COPS8: variants seen among roughly 807,000 people sequenced by gnomAD.
COPS8 encodes the protein COP9 signalosome complex subunit 8.
Under a neutral mutation model 31.5 loss-of-function variants are expected in COPS8, and 11 were observed. The ratio of observed to expected loss-of-function variants is 0.35; its 90% CI spans 0.22 to 0.58. The LOEUF (loss-of-function observed/expected upper bound fraction) is 0.58. Among genes scored for constraint, COPS8 ranks in the 20% least tolerant of loss-of-function variants. COPS8 has a pLI of 0.83. For synonymous variants in COPS8, 81 were observed against 89.3 expected, an observed-to-expected ratio of 0.91 and a Z score of 0.52; for missense variants, 215 against 255.1, an observed-to-expected ratio of 0.84 and a Z score of 1.07.
At chr2:237,091,354 G>C (rs1391044028) in intron 4 of COPS8, among the ~76,000 whole-genome samples, 1 of 152,140 alleles carries the variant, frequency 6.6e-6, no homozygotes, top group Non-Finnish European at 1.5e-5. Context: ...CCTCATTTGT[G>C]AAATGTGATT....
At position 237,099,119 on chromosome 2, in the gene COPS8, T is replaced by TAA. The variant is rs1696852510; in HGVS notation, c.*1377_*1378insAA. 6.6e-6 allele frequency: 1 copy of TAA among 152,116 alleles called. No individual in the cohort carries two copies. The highest frequency in any genetic ancestry group is 6.5e-5 in the Admixed American group (1 of 15,274). 9.4% of individuals were successfully genotyped at this position (152,116 alleles called of 1,614,324 possible). A position where few individuals can be genotyped will look rare whatever the true frequency, so the allele number is the denominator to read the frequency against. On this transcript the variant is annotated 3_prime_UTR_variant, in exon 8 of 8. Transcript: ENST00000354371. ...CCAAATATTCATTAATAGGGGATTG[T>TAA]TTGAATAAACAGCAGTGTAGACTAC...
At chr2:237,088,739 C>A (rs905179593) in intron 3 of COPS8, 86 bp downstream of exon 3, 2 of 811,624 alleles carry the variant, frequency 2.5e-6, no homozygotes, top group Non-Finnish European at 4.0e-6. Context: ...TGTTTTCTAT[C>A]TGACGTCCTA....
Position 237,096,803 on chromosome 2 carries a change from A to ATT in COPS8, c.503-10_503-9dup. The ATT allele has an allele frequency of 1.4e-6, 2 of 1,440,776 alleles. No homozygotes were observed. The highest frequency in any genetic ancestry group is 1.9e-6 in the Non-Finnish European group (2 of 1,047,444). The allele number at this position is 1,440,776 out of a possible 1,614,324, so 89.2% of individuals were successfully genotyped here. ...ATGACTTCTGTAAATTGAGCTGTACATTTTTTTTTTGAATTTAGTTGCAGG... is the reference window on the plus strand; with the variant it reads ...ATGACTTCTGTAAATTGAGCTGTACATTTTTTTTTTTTGAATTTAGTTGCAGG... On this transcript the variant is annotated intron_variant, in intron 6 of 7. Coordinates refer to ENST00000354371, the MANE Select transcript of COPS8 (RefSeq NM_006710.5).
chr2:237,089,279 A>G (rs1390332179), intron 3 of COPS8, among the ~76,000 whole-genome samples: 1 of 152,160 alleles, frequency 6.6e-6, no homozygotes, highest in Admixed American at 6.5e-5. Flanking sequence ...AGATCGGATT[A>G]GTATTTTTAC....
intron 1 of COPS8, among the ~76,000 whole-genome samples, chr2:237,086,253 C>T (rs191354683): frequency 1.3e-5 from 2 of 152,256 alleles, no homozygotes; most frequent in South Asian, 2.1e-4. Context: ...TGTTATGTGT[C>T]TTCAGCTTGT....
chr2:237,088,662 C>T lies in COPS8; in HGVS notation c.198+9C>T. On this transcript the variant is annotated intron_variant, in intron 3 of 7. Coordinates refer to ENST00000354371, the MANE Select transcript of COPS8 (RefSeq NM_006710.5). ...CACCTGCTATAAAATCTGTAAGTAT[C>T]CTTTAAACCTATTTTACTGCTTTAA... 1.3e-6 allele frequency: 2 copies of T among 1,553,276 alleles called. No individual in the cohort carries two copies. The highest frequency in any genetic ancestry group is 2.3e-5 in the East Asian group (1 of 44,128).
At chr2:237,086,301 A>G (rs1333606841) in intron 1 of COPS8, among the ~76,000 whole-genome samples, 1 of 152,014 alleles carries the variant, frequency 6.6e-6, no homozygotes, top group Non-Finnish European at 1.5e-5. Flanking sequence ...TCCAGCACCT[A>G]CCGATGAGCT....
At chr2:237,093,920 C>A (rs1044173089) in intron 4 of COPS8, 170 bp from the exon 5 acceptor site, 2 of 1,259,526 alleles carry the variant, frequency 1.6e-6, no homozygotes, top group East Asian at 3.2e-5. Flanking sequence ...AATATTTGAA[C>A]CCCCCGTACA....
chr2:237,094,572 C>G (rs928703192), intron 5 of COPS8, among the ~76,000 whole-genome samples: 5 of 152,092 alleles, frequency 3.3e-5, no homozygotes, highest in Non-Finnish European at 5.9e-5. Context: ...TGCTTGCTCC[C>G]CACTCATACC....
chr2:237,086,823 GA>G (rs1696625238), intron 1 of COPS8: 1 of 662,658 alleles, frequency 1.5e-6, no homozygotes, highest in South Asian at 6.4e-5. Context: ...GGGAATTTGA[GA>G]ACTGGGGAAG....
rs142729726 is a variant in COPS8, at chr2:237,089,218, G to A, written c.198+565G>A. ...GTCAAGTGAAATTTTTAACATTCTCGGGATATTACCAAGAATTCATCTAAA... is the reference window on the plus strand; with the variant it reads ...GTCAAGTGAAATTTTTAACATTCTCAGGATATTACCAAGAATTCATCTAAA... On this transcript the variant is annotated intron_variant, in intron 3 of 7. Transcript: ENST00000354371. Among the ~76,000 whole-genome samples the A allele has an allele frequency of 5.9e-3, 895 of 152,106 alleles. 6 individuals are homozygous for A. Among genetic ancestry groups the A allele is most frequent in the Middle Eastern group, 0.044 (13 of 294 alleles).
intron 7 of COPS8, 139 bp downstream of exon 7, chr2:237,097,008 G>A: frequency 1.5e-6 from 1 of 670,788 alleles, no homozygotes; most frequent in East Asian, 2.7e-5. Context: ...TAAATGCGTA[G>A]TAATACATCT....
chr2:237,095,908 A>T, intron 6 of COPS8, 24 bp downstream of exon 6: 1 of 1,549,942 alleles, frequency 6.5e-7, no homozygotes, highest in Non-Finnish European at 8.9e-7. Flanking sequence ...TCACCCATTT[A>T]CGCAGCACTG....
rs1696871521 is a variant in COPS8 at position 237,100,296 on chromosome 2, CTG to C, written c.*2558_*2559del. The C allele has an allele frequency of 6.6e-6, 1 of 152,176 alleles. No individual in the cohort carries two copies. The highest frequency in any genetic ancestry group is 2.4e-5 in the African/African-American group (1 of 41,442). The allele number at this position is 152,176 out of a possible 1,614,324, so 9.4% of individuals were successfully genotyped here. On this transcript the variant is annotated 3_prime_UTR_variant, in exon 8 of 8. Transcript: ENST00000354371. Reference sequence around the variant, plus strand: ...CTCTGGCTATTTCTGAGCCAGCCATCTGTGTACAAGTGTAGCCTGACAGCACC... The same window carrying C: ...CTCTGGCTATTTCTGAGCCAGCCATCTGTACAAGTGTAGCCTGACAGCACC...
chr2:237,092,422 C>A (rs1179713248), intron 4 of COPS8, among the ~76,000 whole-genome samples: 1 of 152,084 alleles, frequency 6.6e-6, no homozygotes, highest in Admixed American at 6.5e-5. Context: ...TCCATTCTTA[C>A]TGTATTCCTG....
intron 1 of COPS8, 104 bp downstream of exon 1, chr2:237,086,146 G>C: frequency 9.1e-7 from 1 of 1,102,990 alleles, no homozygotes. Context: ...GGCTTTGGGA[G>C]CTCACGGGGC....
intron 2 of COPS8, chr2:237,087,628 CAGAA>C (rs1559298278): frequency 4.1e-6 from 1 of 246,248 alleles, no homozygotes; most frequent in Non-Finnish European, 8.6e-6. Flanking sequence ...ATGGAAAAGT[CAGAA>C]AGCATAACTA....
chr2:237,092,742 G>C (rs1696728748), intron 4 of COPS8, among the ~76,000 whole-genome samples: 1 of 152,166 alleles, frequency 6.6e-6, no homozygotes, highest in Non-Finnish European at 1.5e-5. Flanking sequence ...GACAGTGGCT[G>C]AGTGAAAGCT....
intron 6 of COPS8, 95 bp from the exon 7 acceptor site, chr2:237,096,727 G>A: frequency 2.1e-6 from 2 of 938,940 alleles, no homozygotes; most frequent in Non-Finnish European, 1.7e-6. Flanking sequence ...ATAAATGGCC[G>A]TTAAATGCAT....
Sources: allele counts gnomAD v4.1 joint callset (sites outside exome capture counted in the v4.1 genomes callset), GRCh38; gene constraint gnomAD v4.1.1; transcripts MANE v1.5; gene names NCBI Gene and HGNC (gene_info 2026-07-23, HGNC 2026-07-21).